The following RBFOX1 variants were observed in gnomAD, a reference collection of about 807,000 sequenced individuals.
RBFOX1 encodes RNA binding fox-1 homolog 1, also known as RNA binding protein fox-1 homolog 1.
In RBFOX1, 8 loss-of-function variants were observed where a neutral mutation model predicts 57.7. That is an observed-to-expected ratio of 0.14 (90% confidence interval 0.08 to 0.25). The LOEUF (loss-of-function observed/expected upper bound fraction) is 0.25, where lower values mean the gene tolerates loss of function less well. RBFOX1 is among the 10% of genes least tolerant of loss of function. The probability of loss-of-function intolerance (pLI) is 1.00; values close to 1 mark genes in which losing one functional copy is unlikely to be tolerated. For synonymous variants in RBFOX1, 326 were observed against 222.4 expected (o/e 1.47, Z -4.15); for missense variants, 611 against 548.5 (o/e 1.11, Z -1.14).
At chr16:7,506,449 A>T (rs182056337) in intron 4 of RBFOX1, among the ~76,000 whole-genome samples, 4 of 152,292 alleles carry the variant, frequency 2.6e-5, no homozygotes, top group Non-Finnish European at 5.9e-5. Context: ...TAATGTAGGC[A>T]AAGCTACTTT....
intron 1 of RBFOX1, among the ~76,000 whole-genome samples, chr16:6,261,537 G>T (rs1169987671): frequency 6.6e-6 from 1 of 152,186 alleles, no homozygotes; most frequent in East Asian, 1.9e-4. Flanking sequence ...GCCATTTGCT[G>T]GGTCATCCTT....
intron 2 of RBFOX1, among the ~76,000 whole-genome samples, chr16:6,550,424 C>G (rs901765289): frequency 6.6e-6 from 1 of 152,194 alleles, no homozygotes; most frequent in Non-Finnish European, 1.5e-5. Context: ...TTCGTGGCCT[C>G]AAGTGATCTG....
At chr16:7,201,550 C>G (rs2088485393) in intron 4 of RBFOX1, among the ~76,000 whole-genome samples, 1 of 151,946 alleles carries the variant, frequency 6.6e-6, no homozygotes, top group African/African-American at 2.4e-5. Flanking sequence ...CAACCTCTGC[C>G]CCACTGGGTT....
intron 2 of RBFOX1, among the ~76,000 whole-genome samples, chr16:6,454,598 C>T (rs1239788246): frequency 6.6e-6 from 1 of 152,070 alleles, no homozygotes; most frequent in Admixed American, 6.5e-5. Context: ...CAAAAAACAC[C>T]TTAAACAAAT....
At chr16:7,177,857 C>G (rs189106893) in intron 4 of RBFOX1, among the ~76,000 whole-genome samples, 1 of 152,196 alleles carries the variant, frequency 6.6e-6, no homozygotes, top group African/African-American at 2.4e-5. Context: ...ACTTTAGTTA[C>G]AAAAGCAGAC....
At chr16:6,002,437 C>T (rs139060706) in intron 4 of RBFOX1, among the ~76,000 whole-genome samples, 50 of 152,318 alleles carry the variant, frequency 3.3e-4, no homozygotes, top group African/African-American at 1.0e-3. Flanking sequence ...GACTCACTTT[C>T]CACATGGCAT....
chr16:5,855,927 G>A (rs934388100), intron 3 of RBFOX1, among the ~76,000 whole-genome samples: 8 of 134,388 alleles, frequency 6.0e-5, no homozygotes, highest in Admixed American at 5.2e-4. Context: ...AATGTTTAAT[G>A]TACACGTCTT....
At chr16:7,368,993 G>C (rs991388804) in intron 4 of RBFOX1, among the ~76,000 whole-genome samples, 1 of 152,064 alleles carries the variant, frequency 6.6e-6, no homozygotes, top group African/African-American at 2.4e-5. Context: ...AGCTGAGCAA[G>C]AAGTGCTAGA....
chr16:6,304,520 G>T (rs73523268), intron 1 of RBFOX1, among the ~76,000 whole-genome samples: 1 of 152,074 alleles, frequency 6.6e-6, no homozygotes, highest in African/African-American at 2.4e-5. Flanking sequence ...TCCCTACAGA[G>T]CCGTATGCCT....
chr16:7,457,486 C>G (rs1395344932), intron 4 of RBFOX1, among the ~76,000 whole-genome samples: 7 of 152,184 alleles, frequency 4.6e-5, no homozygotes, highest in Non-Finnish European at 1.0e-4. Flanking sequence ...CCTTGCCTTG[C>G]ATTCTTCTAT....
chr16:6,084,530 C>T (rs2096058257), intron 1 of RBFOX1, among the ~76,000 whole-genome samples: 1 of 152,154 alleles, frequency 6.6e-6, no homozygotes, highest in Non-Finnish European at 1.5e-5. Flanking sequence ...AGACAAAAAC[C>T]ACTGCACCTG....
At chr16:7,218,344 G>T (rs2092421120) in intron 4 of RBFOX1, among the ~76,000 whole-genome samples, 4 of 152,182 alleles carry the variant, frequency 2.6e-5, no homozygotes, top group Admixed American at 2.6e-4. Context: ...TTGTTTTCTG[G>T]TTTTCACCTT....
At chr16:7,152,131 G>C (rs1601151126) in intron 4 of RBFOX1, among the ~76,000 whole-genome samples, 1 of 152,240 alleles carries the variant, frequency 6.6e-6, no homozygotes, top group South Asian at 2.1e-4. Context: ...AACAAAAGAA[G>C]GTGTCAATTC....
intron 2 of RBFOX1, among the ~76,000 whole-genome samples, chr16:5,536,896 G>C (rs1270039307): frequency 6.6e-6 from 1 of 152,170 alleles, no homozygotes; most frequent in African/African-American, 2.4e-5. Context: ...CATTCTGTGG[G>C]CATCTGGCTT....
intron 1 of RBFOX1, among the ~76,000 whole-genome samples, chr16:6,229,093 C>T (rs17139600): frequency 0.19 from 28,614 of 151,840 alleles, 3,423 homozygotes; most frequent in East Asian, 0.41. Flanking sequence ...TATTGAGAGA[C>T]CATGTTGTGC....
intron 1 of RBFOX1, among the ~76,000 whole-genome samples, chr16:6,083,014 G>C (rs140922496): frequency 6.6e-6 from 1 of 150,944 alleles, no homozygotes; most frequent in Non-Finnish European, 1.5e-5. Context: ...TTGTTTGTTT[G>C]TTTTTTAGAT....
chr16:6,386,804 A>G lies in RBFOX1; in HGVS notation c.-64+69747A>G, dbSNP rs565831918. 2.0e-5 allele frequency among the ~76,000 whole-genome samples: 3 copies of G among 152,348 alleles called. No homozygotes were observed. The South Asian group carries it at 6.2e-4, about 32-fold the overall frequency. ...GGATCTACTATTTCAGCAGAAATAT[A>G]AAGAATTATTCATGAGATGATCAAG... On this transcript the variant is annotated intron_variant, in intron 2 of 15. Transcript: ENST00000550418.
intron 3 of RBFOX1, among the ~76,000 whole-genome samples, chr16:6,995,621 G>A (rs149138579): frequency 3.5e-4 from 54 of 152,168 alleles, no homozygotes; most frequent in African/African-American, 1.1e-3. Flanking sequence ...TTAGCTGGAC[G>A]TGGTGGTGCA....
intron 14 of RBFOX1, among the ~76,000 whole-genome samples, chr16:7,679,836 T>A (rs946095259): frequency 2.0e-5 from 3 of 152,054 alleles, no homozygotes; most frequent in Non-Finnish European, 4.4e-5. Context: ...GGGCAGAGAT[T>A]TCCCCAAAAG....
Sources: gnomAD v4.1 joint callset for allele counts (sites outside exome capture counted in the v4.1 genomes callset) on GRCh38, gnomAD v4.1.1 for gene constraint, MANE v1.5 for transcripts, NCBI Gene and HGNC (gene_info 2026-07-23, HGNC 2026-07-21) for gene names.